The following RBFOX1 variants were observed in gnomAD, a reference collection of about 807,000 sequenced individuals.
The protein encoded by RBFOX1 is RNA binding fox-1 homolog 1.
In RBFOX1, 8 loss-of-function variants were observed where a neutral mutation model predicts 57.7. That is an observed-to-expected ratio of 0.14 (90% confidence interval 0.08 to 0.25). RBFOX1 has a LOEUF of 0.25. RBFOX1 is among the 10% of genes least tolerant of loss of function. RBFOX1 has a pLI of 1.00. For missense variants in RBFOX1, 611 were observed against 548.5 expected, an observed-to-expected ratio of 1.11 and a Z score of -1.14; for synonymous variants, 326 against 222.4, an observed-to-expected ratio of 1.47 and a Z score of -4.15.
chr16:5,974,836 C>G (rs2060030560), intron 4 of RBFOX1, among the ~76,000 whole-genome samples: 2 of 151,926 alleles, frequency 1.3e-5, no homozygotes, highest in Non-Finnish European at 2.9e-5. Flanking sequence ...TGGAGAAACC[C>G]TGTCTCTATT....
At chr16:6,364,518 C>T (rs999805942) in intron 2 of RBFOX1, among the ~76,000 whole-genome samples, 3 of 152,168 alleles carry the variant, frequency 2.0e-5, no homozygotes, top group African/African-American at 7.2e-5. Flanking sequence ...TGAGTGGTAC[C>T]TTTCAGCTGG....
intron 3 of RBFOX1, among the ~76,000 whole-genome samples, chr16:6,974,760 G>A (rs951518699): frequency 2.6e-5 from 4 of 152,016 alleles, no homozygotes; most frequent in African/African-American, 9.7e-5. Flanking sequence ...CCAGAGGCAG[G>A]CACCAGAAAA....
chr16:6,714,659 T>G (rs939232312), intron 3 of RBFOX1, among the ~76,000 whole-genome samples: 2 of 152,150 alleles, frequency 1.3e-5, no homozygotes, highest in African/African-American at 4.8e-5. Context: ...CAGGTCCATG[T>G]GCACTGATAT....
At chr16:7,362,170 C>G (rs527345302) in intron 4 of RBFOX1, among the ~76,000 whole-genome samples, 64 of 130,886 alleles carry the variant, frequency 4.9e-4, no homozygotes, top group Non-Finnish European at 7.9e-4. Context: ...GTTTTGTATG[C>G]TTGCTAGTGT....
intron 1 of RBFOX1, among the ~76,000 whole-genome samples, chr16:5,318,117 C>T (rs2064292430): frequency 6.6e-6 from 1 of 151,864 alleles, no homozygotes; most frequent in Non-Finnish European, 1.5e-5. Context: ...AGGTTGTTTA[C>T]ACCTACTGTT....
intron 3 of RBFOX1, among the ~76,000 whole-genome samples, chr16:6,918,675 C>T (rs1474688731): frequency 1.3e-5 from 2 of 152,146 alleles, no homozygotes; most frequent in Non-Finnish European, 2.9e-5. Flanking sequence ...ACCCAATGGG[C>T]ATATCTCTGG....
At chr16:5,953,206 G>T (rs917214967) in intron 4 of RBFOX1, among the ~76,000 whole-genome samples, 5 of 152,280 alleles carry the variant, frequency 3.3e-5, no homozygotes, top group African/African-American at 1.2e-4. Context: ...ATGTTTCTCA[G>T]CTAGGGAATG....
intron 4 of RBFOX1, among the ~76,000 whole-genome samples, chr16:7,413,966 A>G (rs752113196): frequency 6.6e-6 from 1 of 152,164 alleles, no homozygotes; most frequent in African/African-American, 2.4e-5. Context: ...AACTCCAAGG[A>G]GATGGTTCTC....
At chr16:6,022,045 C>G (rs1167355321) in intron 1 of RBFOX1, among the ~76,000 whole-genome samples, 1 of 152,150 alleles carries the variant, frequency 6.6e-6, no homozygotes, top group Non-Finnish European at 1.5e-5. Context: ...AAGCCTCAAG[C>G]TCTCCCATTC....
At chr16:6,961,670 A>G (rs1017179856) in intron 3 of RBFOX1, among the ~76,000 whole-genome samples, 6 of 152,082 alleles carry the variant, frequency 3.9e-5, no homozygotes, top group Non-Finnish European at 8.8e-5. Flanking sequence ...GTTTTCTGGG[A>G]AAGGGGTGGG....
chr16:6,563,712 G>T (rs1474974974), intron 2 of RBFOX1, among the ~76,000 whole-genome samples: 5 of 152,038 alleles, frequency 3.3e-5, no homozygotes, highest in South Asian at 2.1e-4. Flanking sequence ...AAGCATGGTG[G>T]CACACACTGG....
At chr16:5,955,208 G>T (rs1355646940) in intron 4 of RBFOX1, among the ~76,000 whole-genome samples, 2 of 144,384 alleles carry the variant, frequency 1.4e-5, no homozygotes, top group African/African-American at 5.1e-5. Context: ...CTTGAACCAG[G>T]AAGCTGAGGC....
At chr16:5,482,441 T>G (rs1395785756) in intron 2 of RBFOX1, among the ~76,000 whole-genome samples, 1 of 152,196 alleles carries the variant, frequency 6.6e-6, no homozygotes, top group Non-Finnish European at 1.5e-5. Context: ...AGGTGCAAAT[T>G]TTCATGGGTG....
intron 1 of RBFOX1, among the ~76,000 whole-genome samples, chr16:6,243,465 C>T (rs1027821405): frequency 6.6e-6 from 1 of 152,062 alleles, no homozygotes; most frequent in African/African-American, 2.4e-5. Context: ...TATGAGGAGA[C>T]CTGCTTTCCA....
chr16:7,101,832 A>T (rs575102621), intron 4 of RBFOX1, among the ~76,000 whole-genome samples: 1 of 152,228 alleles, frequency 6.6e-6, no homozygotes, highest in South Asian at 2.1e-4. Flanking sequence ...GGGATTTCCA[A>T]GGCTCTTGTC....
intron 1 of RBFOX1, among the ~76,000 whole-genome samples, chr16:5,282,832 G>A (rs2063304715): frequency 6.6e-6 from 1 of 152,204 alleles, no homozygotes; most frequent in African/African-American, 2.4e-5. Context: ...ATTTTCTCAA[G>A]AAAAATTCGA....
In RBFOX1 at chr16:5,771,006, G is replaced by A. The variant is rs1179643369; in HGVS notation, c.319-96297G>A. 3.3e-5 allele frequency among the ~76,000 whole-genome samples: 5 copies of A among 152,286 alleles called. No individual in the cohort carries two copies. In the South Asian group the frequency reaches 1.0e-3, roughly 32 times the overall value. ...TTTGCTGGAGGTGTGGTCTGCAAAC[G>A]AGCAGTGTTGGCATCATGGAGTCTC... On this transcript the variant is annotated intron_variant, in intron 3 of 19. Coordinates refer to the RBFOX1 transcript ENST00000641259.
At chr16:7,558,547 C>T (rs1444536975) in intron 5 of RBFOX1, among the ~76,000 whole-genome samples, 1 of 151,764 alleles carries the variant, frequency 6.6e-6, no homozygotes, top group Non-Finnish European at 1.5e-5. Flanking sequence ...TATACATATA[C>T]TTTCTTACTA....
chr16:7,241,346 G>T (rs185153879), intron 4 of RBFOX1, among the ~76,000 whole-genome samples: 1 of 152,136 alleles, frequency 6.6e-6, no homozygotes, highest in South Asian at 2.1e-4. Flanking sequence ...CTCCTGGCCC[G>T]TTGGACTATC....
Sources: allele counts gnomAD v4.1 joint callset (sites outside exome capture counted in the v4.1 genomes callset), GRCh38; gene constraint gnomAD v4.1.1; transcripts MANE v1.5; gene names NCBI Gene and HGNC (gene_info 2026-07-23, HGNC 2026-07-21).